SOCS3: variants seen among roughly 807,000 people sequenced by gnomAD.
SOCS3 encodes suppressor of cytokine signaling 3.
Under a neutral mutation model 11.7 loss-of-function variants are expected in SOCS3, and 5 were observed. That is an observed-to-expected ratio of 0.43 (90% CI 0.22 to 0.90). The LOEUF (loss-of-function observed/expected upper bound fraction) is 0.90. SOCS3 is among the 40% of genes least tolerant of loss of function. The pLI is 0.27. For missense variants in SOCS3, 203 were observed against 302.0 expected (o/e 0.67, Z 2.43); for synonymous variants, 143 against 136.3 (o/e 1.05, Z -0.34).
chr17:78,358,285 G>T lies in SOCS3; in HGVS notation c.*133C>A. The T allele has an allele frequency of 1.2e-6, 1 of 801,660 alleles. No homozygotes were observed. 49.7% of individuals were successfully genotyped at this position (801,660 alleles called of 1,614,324 possible). On this transcript the variant is annotated 3_prime_UTR_variant, in exon 2 of 2. Transcript: ENST00000330871. This position sits in a 1 kb window ranked among gnomAD's most constrained non-coding sequence, Gnocchi z 4.7. ...CTGCAGGGAGAGGGCAGAGGGAGGG[G>T]CCTGTCCGCCCTCTTTCCCCCCAGA...
At position 78,359,937 on chromosome 17, in the gene SOCS3, C is replaced by T. The variant is rs1370706124; in HGVS notation, c.-276G>A. 2.8e-5 allele frequency: 5 copies of T among 175,466 alleles called. No individual in the cohort carries two copies. Among genetic ancestry groups the T allele is most frequent in the South Asian group, 2.0e-4 (1 of 5,008 alleles). The allele number at this position is 175,466 out of a possible 1,614,324, so 10.9% of individuals were successfully genotyped here. On this transcript the variant is annotated 5_prime_UTR_variant, in exon 1 of 2. It adds an upstream start codon to the 5' untranslated region. Transcript: ENST00000330871. ...GGGCGCCCGCCCTGCCCCCTGCGCA[C>T]CCCCGGACCAACCGGGAGGGGACCA...
rs1360927495 is a variant in SOCS3, at chr17:78,357,262, T to TC, written c.*1155dup. ...CCAGCCTCTCCAATGACCTCCAGCC[T>TC]CCCCCACCCAGGCAGGAGGGAGGGC... is the stretch of plus-strand genomic sequence containing the variant. On this transcript the variant is annotated 3_prime_UTR_variant, in exon 2 of 2. Transcript: ENST00000330871. This position sits in a 1 kb window ranked among gnomAD's most constrained non-coding sequence, Gnocchi z 7.0. 1 of 152,240 alleles carries TC rather than the reference T, an allele frequency of 6.6e-6. No individual in the cohort carries two copies. The highest frequency in any genetic ancestry group is 1.5e-5 in the Non-Finnish European group (1 of 68,196). 9.4% of individuals were successfully genotyped at this position (152,240 alleles called of 1,614,324 possible). A position where few individuals can be genotyped will look rare whatever the true frequency, so the allele number is the denominator to read the frequency against.
upstream of SOCS3, chr17:78,360,909 C>T (rs1038051239): frequency 1.3e-5 from 2 of 152,530 alleles, no homozygotes; most frequent in South Asian, 2.1e-4. This position sits in a 1 kb window ranked among gnomAD's most constrained non-coding sequence, Gnocchi z 5.6. Flanking sequence ...CTGGAGAGCT[C>T]GAGGTGGAAC....
Position 78,357,533 on chromosome 17 carries a change from A to G in SOCS3, c.*885T>C. On this transcript the variant is annotated 3_prime_UTR_variant, in exon 2 of 2. Coordinates refer to ENST00000330871, the MANE Select transcript of SOCS3 (RefSeq NM_003955.5). The surrounding 1 kb of genome is among the most constrained non-coding windows in gnomAD (Gnocchi z 7.0). ...GGTCCCTCTCCATGGGACAGGGAGC[A>G]TTTAAGGCGAATCTCTTAGCCAGAC... 6.6e-6 allele frequency: 1 copy of G among 152,292 alleles called. No individual in the cohort carries two copies. Among genetic ancestry groups the G allele is most frequent in the Non-Finnish European group, 1.5e-5 (1 of 68,036 alleles). 9.4% of individuals were successfully genotyped at this position (152,292 alleles called of 1,614,324 possible).
Position 78,359,175 on chromosome 17 carries a change from C to A in SOCS3, c.-80G>T. The A allele has an allele frequency of 7.0e-7, 1 of 1,426,414 alleles. No homozygotes were observed. The highest frequency in any genetic ancestry group is 9.4e-7 in the Non-Finnish European group (1 of 1,068,996). 88.4% of individuals were successfully genotyped at this position (1,426,414 alleles called of 1,614,324 possible). ...CTCCGCACAGCGGCCGCTACCGCAT[C>A]CCGGGGGGCTGCGGAGAGGAAGGCG... On this transcript the variant is annotated 5_prime_UTR_variant, in exon 2 of 2. Coordinates refer to ENST00000330871, the MANE Select transcript of SOCS3 (RefSeq NM_003955.5).
chr17:78,359,148 G>T lies in SOCS3; in HGVS notation c.-53C>A. On this transcript the variant is annotated 5_prime_UTR_variant, in exon 2 of 2. Coordinates refer to ENST00000330871, the MANE Select transcript of SOCS3 (RefSeq NM_003955.5). ...CGGCGGCGGCTGCAGCTGCTTCGCG[G>T]CCTCCGCACAGCGGCCGCTACCGCA... The T allele has an allele frequency of 6.7e-7, 1 of 1,501,138 alleles. No homozygotes were observed. Among genetic ancestry groups the T allele is most frequent in the Non-Finnish European group, 8.9e-7 (1 of 1,120,198 alleles). 93.0% of individuals were successfully genotyped at this position (1,501,138 alleles called of 1,614,324 possible).
chr17:78,359,216 C>A, intron 1 of SOCS3, 33 bp from the exon 2 acceptor site: 2 of 1,090,440 alleles, frequency 1.8e-6, no homozygotes, highest in Non-Finnish European at 2.5e-6. Flanking sequence ...GCGTTGAGTG[C>A]CCGGAACCCT....
rs1047713935 is a variant in SOCS3, at chr17:78,358,374, C to A, written c.*44G>T. ...GCCATGTGCCACGGAGGAGAGGGGC[C>A]TGCGTCCCCTCTCCCGACCCATGCC... is the stretch of plus-strand genomic sequence containing the variant. On this transcript the variant is annotated 3_prime_UTR_variant, in exon 2 of 2. Coordinates refer to ENST00000330871, the MANE Select transcript of SOCS3 (RefSeq NM_003955.5). This position sits in a 1 kb window ranked among gnomAD's most constrained non-coding sequence, Gnocchi z 4.7. 3 of 1,594,974 alleles carry A rather than the reference C, an allele frequency of 1.9e-6. No individual in the cohort carries two copies. Among genetic ancestry groups the A allele is most frequent in the Non-Finnish European group, 2.6e-6 (3 of 1,164,030 alleles).
Position 78,360,017 on chromosome 17 carries a change from G to T in SOCS3, c.-356C>A, listed in dbSNP as rs546423112. 2.4e-3 allele frequency: 479 copies of T among 201,732 alleles called. 2 individuals carry two copies. The highest frequency in any genetic ancestry group is 0.02 in the Admixed American group (331 of 16,272). The allele number at this position is 201,732 out of a possible 1,614,324, so 12.5% of individuals were successfully genotyped here. ...GGGAGCTGGGCCGGGCGGGCGGCTG[G>T]CGGCTGGCTGCGTGCGGGGCCGAAG... On this transcript the variant is annotated 5_prime_UTR_variant, in exon 1 of 2. Transcript: ENST00000330871. This position sits in a 1 kb window ranked among gnomAD's most constrained non-coding sequence, Gnocchi z 5.6.
At position 78,358,320 on chromosome 17, in the gene SOCS3, C is replaced by G. The variant is rs2081583314; in HGVS notation, c.*98G>C. Reference sequence around the variant, plus strand: ...CCTCTTTCCCCCCAGAGCTACAGGACTCTCTCCTGGTTGGCTTCTTGTGCT... The same window carrying G: ...CCTCTTTCCCCCCAGAGCTACAGGAGTCTCTCCTGGTTGGCTTCTTGTGCT... On this transcript the variant is annotated 3_prime_UTR_variant, in exon 2 of 2. Coordinates refer to ENST00000330871, the MANE Select transcript of SOCS3 (RefSeq NM_003955.5). This position sits in a 1 kb window ranked among gnomAD's most constrained non-coding sequence, Gnocchi z 4.7. The G allele has an allele frequency of 6.9e-6, 8 of 1,167,124 alleles. No homozygotes were observed. Among genetic ancestry groups the G allele is most frequent in the Non-Finnish European group, 1.3e-6 (1 of 791,352 alleles). 72.3% of individuals were successfully genotyped at this position (1,167,124 alleles called of 1,614,324 possible).
intron 1 of SOCS3, 92 bp from the exon 2 acceptor site, chr17:78,359,275 G>A (rs1266465038): frequency 5.3e-6 from 3 of 563,238 alleles, no homozygotes; most frequent in Non-Finnish European, 5.7e-6. Flanking sequence ...CGAGCGACTG[G>A]GGCACCCACT....
In SOCS3 at chr17:78,359,145, G is replaced by A; in HGVS notation, c.-50C>T. On this transcript the variant is annotated 5_prime_UTR_variant, in exon 2 of 2. Coordinates refer to ENST00000330871, the MANE Select transcript of SOCS3 (RefSeq NM_003955.5). ...GCGCGGCGGCGGCTGCAGCTGCTTC[G>A]CGGCCTCCGCACAGCGGCCGCTACC... 6.6e-7 allele frequency: 1 copy of A among 1,506,616 alleles called. No individual in the cohort carries two copies. The highest frequency in any genetic ancestry group is 1.2e-5 in the South Asian group (1 of 81,522). 93.3% of individuals were successfully genotyped at this position (1,506,616 alleles called of 1,614,324 possible). A position where few individuals can be genotyped will look rare whatever the true frequency, so the allele number is the denominator to read the frequency against.
Position 78,358,515 on chromosome 17 carries a change from C to A in SOCS3, c.581G>T (p.Arg194Leu). 1 of 1,613,558 alleles carries A rather than the reference C, an allele frequency of 6.2e-7. No individual in the cohort carries two copies. Among genetic ancestry groups the A allele is most frequent in the Non-Finnish European group, 8.5e-7 (1 of 1,179,872 alleles). The change falls in exon 2 of 2, where the codon CGG becomes CTG. Residue 194 changes from arginine to leucine, a missense_variant. Around this residue, in one of 3 missense-constraint regions of SOCS3, gnomAD observed 141 missense variants for 200.5 expected, o/e 0.70. Coordinates refer to ENST00000330871, the MANE Select transcript of SOCS3 (RefSeq NM_003955.5). This position sits in a 1 kb window ranked among gnomAD's most constrained non-coding sequence, Gnocchi z 4.7. ...GTCCAGGTGGCCGTTGACGGTCTTCCGACAGAGATGCTGAAGAGTGGCCAC... is the reference window on the plus strand; with the variant it reads ...GTCCAGGTGGCCGTTGACGGTCTTCAGACAGAGATGCTGAAGAGTGGCCAC... ...SNVATLQHLC[R>L]KTVNGHLDSY...
chr17:78,360,837 T>A (rs1304510391), upstream of SOCS3: 2 of 152,608 alleles, frequency 1.3e-5, no homozygotes, highest in East Asian at 3.8e-4. This position sits in a 1 kb window ranked among gnomAD's most constrained non-coding sequence, Gnocchi z 5.6. Flanking sequence ...AACGCTTTCA[T>A]GCACTGGGGT....
upstream of SOCS3, chr17:78,360,524 C>A (rs1299397830): frequency 6.6e-6 from 1 of 152,148 alleles, no homozygotes; most frequent in Non-Finnish European, 1.5e-5. The surrounding 1 kb of genome is among the most constrained non-coding windows in gnomAD (Gnocchi z 5.6). Context: ...CCCCTTTTCC[C>A]GGACCCCGCG....
rs536972541 is a variant in SOCS3 at position 78,356,974 on chromosome 17, A to C, written c.*1444T>G. 6.6e-6 allele frequency: 1 copy of C among 152,476 alleles called. No individual in the cohort carries two copies. The highest frequency in any genetic ancestry group is 6.6e-5 in the Admixed American group (1 of 15,264). The allele number at this position is 152,476 out of a possible 1,614,324, so 9.4% of individuals were successfully genotyped here. ...TGGAATCTTTATAAAAGACAGAGTGATTGAGGCAGATTGTAAACATTATTA... is the reference window on the plus strand; with the variant it reads ...TGGAATCTTTATAAAAGACAGAGTGCTTGAGGCAGATTGTAAACATTATTA... On this transcript the variant is annotated 3_prime_UTR_variant, in exon 2 of 2. Transcript: ENST00000330871. This position sits in a 1 kb window ranked among gnomAD's most constrained non-coding sequence, Gnocchi z 6.1.
chr17:78,358,207 T>C lies in SOCS3; in HGVS notation c.*211A>G. ...TGGCTCCTCCGGAGAAGCTGGAGAC[T>C]CAGGTGGTACTCCCCCTTCCCTCCA... On this transcript the variant is annotated 3_prime_UTR_variant, in exon 2 of 2. Coordinates refer to ENST00000330871, the MANE Select transcript of SOCS3 (RefSeq NM_003955.5). This position sits in a 1 kb window ranked among gnomAD's most constrained non-coding sequence, Gnocchi z 4.7. 1.7e-6 allele frequency: 1 copy of C among 572,198 alleles called. No homozygotes were observed. The highest frequency in any genetic ancestry group is 2.9e-5 in the East Asian group (1 of 34,620). 35.4% of individuals were successfully genotyped at this position (572,198 alleles called of 1,614,324 possible).
Position 78,358,172 on chromosome 17 carries a change from C to G in SOCS3, c.*246G>C. Reference sequence around the variant, plus strand: ...TCCACTTGTGGTTGCTATCGTCCCACCAGGACAGCTGGCTCCTCCGGAGAA... The same window carrying G: ...TCCACTTGTGGTTGCTATCGTCCCAGCAGGACAGCTGGCTCCTCCGGAGAA... On this transcript the variant is annotated 3_prime_UTR_variant, in exon 2 of 2. Transcript: ENST00000330871. The surrounding 1 kb of genome is among the most constrained non-coding windows in gnomAD (Gnocchi z 4.7). 1.9e-6 allele frequency: 1 copy of G among 537,216 alleles called. No homozygotes were observed. Among genetic ancestry groups the G allele is most frequent in the South Asian group, 2.4e-5 (1 of 41,052 alleles). The allele number at this position is 537,216 out of a possible 1,614,324, so 33.3% of individuals were successfully genotyped here.
At position 78,358,198 on chromosome 17, in the gene SOCS3, G is replaced by T; in HGVS notation, c.*220C>A. 1 of 564,616 alleles carries T rather than the reference G, an allele frequency of 1.8e-6. No individual in the cohort carries two copies. Among genetic ancestry groups the T allele is most frequent in the Non-Finnish European group, 3.2e-6 (1 of 316,366 alleles). 35.0% of individuals were successfully genotyped at this position (564,616 alleles called of 1,614,324 possible). A position where few individuals can be genotyped will look rare whatever the true frequency, so the allele number is the denominator to read the frequency against. On this transcript the variant is annotated 3_prime_UTR_variant, in exon 2 of 2. Coordinates refer to ENST00000330871, the MANE Select transcript of SOCS3 (RefSeq NM_003955.5). The surrounding 1 kb of genome is among the most constrained non-coding windows in gnomAD (Gnocchi z 4.7). ...CAGGACAGCTGGCTCCTCCGGAGAA[G>T]CTGGAGACTCAGGTGGTACTCCCCC...
Sources: allele counts gnomAD v4.1 joint callset, GRCh38; gene constraint gnomAD v4.1.1; regional missense constraint gnomAD v4.1.1; non-coding constraint Gnocchi (gnomAD v3.1); transcripts MANE v1.5; gene names NCBI Gene and HGNC (gene_info 2026-07-23, HGNC 2026-07-21).